Variants in PCDHGA9 observed in about 807,000 individuals in gnomAD.
PCDHGA9 encodes the protein protocadherin gamma subfamily A, 9.
In PCDHGA9, 37 loss-of-function variants were observed where a neutral mutation model predicts 62.5. The observed-to-expected ratio is 0.59, with a 90% CI of 0.46 to 0.78. The LOEUF (loss-of-function observed/expected upper bound fraction) is 0.78, where lower values mean the gene tolerates loss of function less well. Among genes scored for constraint, PCDHGA9 ranks in the 30% least tolerant of loss-of-function variants. The probability of loss-of-function intolerance (pLI) is 0.00; values close to 1 mark genes in which losing one functional copy is unlikely to be tolerated. For missense variants in PCDHGA9, 1,138 were observed against 1,166.2 expected (o/e 0.98, Z 0.35); for synonymous variants, 459 against 484.6 (o/e 0.95, Z 0.69).
At chr5:141,426,810 C>T (rs769435523) in intron 1 of PCDHGA9, 4 of 456,568 alleles carry the variant, frequency 8.8e-6, no homozygotes, top group Non-Finnish European at 1.8e-5. Flanking sequence ...TTCTAATGAA[C>T]ATTTCTCTCT....
chr5:141,409,736 G>C (rs1053484390), intron 1 of PCDHGA9: 9 of 1,612,992 alleles, frequency 5.6e-6, no homozygotes, highest in South Asian at 2.2e-5. Context: ...CGCGCAGAGC[G>C]GGGTGGTGTT....
chr5:141,412,040 G>A (rs1046669003), intron 1 of PCDHGA9: 1 of 152,230 alleles, frequency 6.6e-6, no homozygotes, highest in African/African-American at 2.4e-5. Flanking sequence ...TGTGAAAGAA[G>A]TGAACTTCTA....
At chr5:141,415,974 C>T (rs2095976813) in intron 1 of PCDHGA9, 1 of 375,644 alleles carries the variant, frequency 2.7e-6, no homozygotes, top group African/African-American at 2.1e-5. Flanking sequence ...GCCCCTTAAG[C>T]AACCCTCTTG....
intron 1 of PCDHGA9, chr5:141,418,939 C>G: frequency 6.2e-7 from 1 of 1,613,760 alleles, no homozygotes; most frequent in Non-Finnish European, 8.5e-7. Context: ...TGGAGGATTC[C>G]CCTCCAGGAG....
At chr5:141,423,806 T>A in intron 1 of PCDHGA9, 1 of 1,251,576 alleles carries the variant, frequency 8.0e-7, no homozygotes, top group African/African-American at 1.6e-5. Flanking sequence ...GCAATACATG[T>A]GAGTTTTACT....
chr5:141,490,396 A>G lies in PCDHGA9; in HGVS notation c.2425-4411A>G. ...GGACTCAGGTAGAAATGGTGAAGTGAGCCTTGATATCTCTCCGGACCTGCC... is the reference window on the plus strand; with the variant it reads ...GGACTCAGGTAGAAATGGTGAAGTGGGCCTTGATATCTCTCCGGACCTGCC... On this transcript the variant is annotated intron_variant, in intron 1 of 3. Coordinates refer to ENST00000573521, the MANE Select transcript of PCDHGA9 (RefSeq NM_018921.3). The surrounding 1 kb of genome is among the most constrained non-coding windows in gnomAD (Gnocchi z 5.4). 1 of 1,614,146 alleles carries G rather than the reference A, an allele frequency of 6.2e-7. No homozygotes were observed. The highest frequency in any genetic ancestry group is 8.5e-7 in the Non-Finnish European group (1 of 1,180,030).
At chr5:141,419,529 A>G (rs2096395609) in intron 1 of PCDHGA9, 2 of 1,612,082 alleles carry the variant, frequency 1.2e-6, no homozygotes, top group Non-Finnish European at 1.7e-6. Context: ...GACCGTAACG[A>G]CAACGCACCG....
chr5:141,473,988 G>A (rs1006988447), intron 1 of PCDHGA9, among the ~76,000 whole-genome samples: 1 of 152,118 alleles, frequency 6.6e-6, no homozygotes, highest in African/African-American at 2.4e-5. Flanking sequence ...AGGATCCCTT[G>A]AGCCCAAGGA....
intron 1 of PCDHGA9, among the ~76,000 whole-genome samples, chr5:141,470,256 A>G (rs1043528709): frequency 6.6e-6 from 1 of 152,228 alleles, no homozygotes; most frequent in African/African-American, 2.4e-5. Flanking sequence ...ACCTGTCTAA[A>G]TGGAGATACA....
Position 141,498,971 on chromosome 5 carries a change from GGGAAGGAAGGAAGGAAGGAAGGAA to G in PCDHGA9, c.2483+4140_2483+4163del, listed in dbSNP as rs201769957. 5.1e-3 allele frequency among the ~76,000 whole-genome samples: 569 copies of G among 111,048 alleles called. 6 individuals carry two copies. Among genetic ancestry groups the G allele is most frequent in the South Asian group, 0.024 (65 of 2,658 alleles). 72.9% of individuals were successfully genotyped at this position (111,048 alleles called of 152,430 possible). A position where few individuals can be genotyped will look rare whatever the true frequency, so the allele number is the denominator to read the frequency against. On this transcript the variant is annotated intron_variant, in intron 2 of 3. Coordinates refer to ENST00000573521, the MANE Select transcript of PCDHGA9 (RefSeq NM_018921.3). ...AAAAAGAGAGAGAGGGAGGGAGGGA[GGGAAGGAAGGAAGGAAGGAAGGAA>G]GGAAGGAAGGAAGGAAGGAAGGAAG...
At position 141,486,028 on chromosome 5, in the gene PCDHGA9, C is replaced by T; in HGVS notation, c.2425-8779C>T. On this transcript the variant is annotated intron_variant, in intron 1 of 3. Transcript: ENST00000573521. This position sits in a 1 kb window ranked among gnomAD's most constrained non-coding sequence, Gnocchi z 5.0. ...TCACCTTTTATTTCAGTGGTCATAC[C>T]CCTGATCGTGTAAGAAACCTCTTTA... The T allele has an allele frequency of 6.2e-7, 1 of 1,614,134 alleles. No individual in the cohort carries two copies. Among genetic ancestry groups the T allele is most frequent in the Non-Finnish European group, 8.5e-7 (1 of 1,180,020 alleles).
intron 2 of PCDHGA9, among the ~76,000 whole-genome samples, chr5:141,499,689 CTTTTTT>C (rs545067566): frequency 3.3e-5 from 4 of 119,854 alleles, no homozygotes; most frequent in Admixed American, 8.7e-5. Flanking sequence ...TAACAGATGA[CTTTTTT>C]TTTTTTTTTT....
intron 1 of PCDHGA9, chr5:141,422,047 A>G: frequency 6.2e-7 from 1 of 1,611,610 alleles, no homozygotes; most frequent in Non-Finnish European, 8.5e-7. Context: ...AGACGAGGGA[A>G]TCAACGGGGA....
Position 141,404,897 on chromosome 5 carries a change from C to A in PCDHGA9, c.1945C>A (p.His649Asn). ...GAGCCTTGTGGTGGCTGTACAGGAC[C>A]ATGGCCAGCCCCCTCTCTCGGCCAC... The part of the protein sequence containing the change: ...KQSLVVAVQD[H>N]GQPPLSATVT... The change falls in exon 1 of 4, where the codon CAT becomes AAT. Residue 649 changes from histidine to asparagine, a missense_variant. Coordinates refer to ENST00000573521, the MANE Select transcript of PCDHGA9 (RefSeq NM_018921.3). 6.2e-7 allele frequency: 1 copy of A among 1,613,920 alleles called. No homozygotes were observed. Among genetic ancestry groups the A allele is most frequent in the African/African-American group, 1.3e-5 (1 of 75,046 alleles).
intron 1 of PCDHGA9, chr5:141,427,690 T>TC (rs1331581287): frequency 2.3e-6 from 2 of 881,240 alleles, no homozygotes; most frequent in Non-Finnish European, 3.7e-6. Context: ...GGAGCCTCCA[T>TC]CCCACAAGTC....
At chr5:141,447,280 C>T (rs2098533193) in intron 1 of PCDHGA9, among the ~76,000 whole-genome samples, 1 of 152,172 alleles carries the variant, frequency 6.6e-6, no homozygotes, top group Non-Finnish European at 1.5e-5. Context: ...GCTGGGACTA[C>T]AGGCACATGC....
intron 1 of PCDHGA9, among the ~76,000 whole-genome samples, chr5:141,483,613 C>A (rs2099583607): frequency 6.6e-6 from 1 of 151,914 alleles, no homozygotes; most frequent in South Asian, 2.1e-4. Context: ...ACACCTCCAT[C>A]ATTCCCATGG....
At chr5:141,441,527 A>G (rs2098252922) in intron 1 of PCDHGA9, 2 of 173,076 alleles carry the variant, frequency 1.2e-5, no homozygotes, top group African/African-American at 2.4e-5. Flanking sequence ...GTGGCCAAGA[A>G]CAATCTTCCC....
rs750458276 is a variant in PCDHGA9 at position 141,403,855 on chromosome 5, A to G, written c.903A>G (p.Ile301Met). The stretch of plus-strand genomic sequence containing the variant: ...AGCTTAATGAAAATACTGGGGAAAT[A>G]TCAACAGCAAAAAGTCTAGATTATG... ...LFQLNENTGE[I>M]STAKSLDYEE... The change falls in exon 1 of 4, where the codon ATA becomes ATG. Residue 301 changes from isoleucine to methionine, a missense_variant. By Grantham distance (10) the Ile-to-Met change is conservative (BLOSUM62 1). Transcript: ENST00000573521. The G allele has an allele frequency of 7.4e-6, 12 of 1,613,676 alleles. No homozygotes were observed. The highest frequency in any genetic ancestry group is 1.0e-5 in the Non-Finnish European group (12 of 1,179,862).
Sources: allele counts gnomAD v4.1 joint callset (sites outside exome capture counted in the v4.1 genomes callset), GRCh38; gene constraint gnomAD v4.1.1; non-coding constraint Gnocchi (gnomAD v3.1); transcripts MANE v1.5; gene names NCBI Gene and HGNC (gene_info 2026-07-23, HGNC 2026-07-21).